HTR7: variants seen among roughly 807,000 people sequenced by gnomAD.
HTR7 encodes 5-HT-7.
HTR7 carries 16 observed loss-of-function variants against 34.0 expected under a neutral mutation model. That is an observed-to-expected ratio of 0.47 (90% CI 0.32 to 0.71). The LOEUF (loss-of-function observed/expected upper bound fraction) is 0.71. HTR7 is among the 30% of genes least tolerant of loss of function. The pLI is 0.04. For synonymous variants in HTR7, 265 were observed against 260.2 expected (o/e 1.02, Z -0.18); for missense variants, 504 against 625.5 (o/e 0.81, Z 2.07).
At chr10:90,760,155 T>C (rs1225195695) in intron 1 of HTR7, among the ~76,000 whole-genome samples, 2 of 152,204 alleles carry the variant, frequency 1.3e-5, no homozygotes, top group East Asian at 3.8e-4. Context: ...GTGGTGTATA[T>C]ACACAATTAA....
intron 2 of HTR7, among the ~76,000 whole-genome samples, chr10:90,746,607 C>G (rs1844640180): frequency 6.6e-6 from 1 of 152,172 alleles, no homozygotes; most frequent in African/African-American, 2.4e-5. Context: ...GCAAAATAAC[C>G]TAGCTATTTG....
At chr10:90,757,425 T>C (rs1844848618) in intron 1 of HTR7, among the ~76,000 whole-genome samples, 1 of 152,228 alleles carries the variant, frequency 6.6e-6, no homozygotes. Context: ...GTATGCCAAC[T>C]TCCAGAAGAC....
intron 1 of HTR7, among the ~76,000 whole-genome samples, chr10:90,854,655 C>T (rs1233861346): frequency 6.6e-6 from 1 of 152,140 alleles, no homozygotes; most frequent in Non-Finnish European, 1.5e-5. Flanking sequence ...GGGATGGGAG[C>T]TCTGAAGCCT....
chr10:90,782,725 G>A (rs113906759), intron 1 of HTR7, among the ~76,000 whole-genome samples: 21 of 152,132 alleles, frequency 1.4e-4, no homozygotes, highest in African/African-American at 4.8e-4. Context: ...CTGAGGCTCC[G>A]CAAGTGTTCA....
At chr10:90,746,219 C>T (rs968344903) in intron 2 of HTR7, among the ~76,000 whole-genome samples, 6 of 152,172 alleles carry the variant, frequency 3.9e-5, no homozygotes, top group African/African-American at 1.4e-4. Context: ...ATAAAGTGCT[C>T]AGCAAAGTGT....
At chr10:90,765,003 A>T (rs1469387595) in intron 1 of HTR7, among the ~76,000 whole-genome samples, 1 of 152,124 alleles carries the variant, frequency 6.6e-6, no homozygotes, top group Non-Finnish European at 1.5e-5. Flanking sequence ...TTTCTCATAC[A>T]GTCCTCATCC....
Position 90,763,871 on chromosome 10 carries a change from A to G in HTR7, c.540-14277T>C, listed in dbSNP as rs1448560109. On this transcript the variant is annotated intron_variant, in intron 1 of 3. Coordinates refer to ENST00000336152, the MANE Select transcript of HTR7 (RefSeq NM_019859.4). ...TTCTTTATCCGGTCTATCATTGACGAGCATTTGGGTTGGTCTTTACTAATG... is the reference window on the plus strand; with the variant it reads ...TTCTTTATCCGGTCTATCATTGACGGGCATTTGGGTTGGTCTTTACTAATG... Among the ~76,000 whole-genome samples, 2 of 152,056 alleles carry G rather than the reference A, an allele frequency of 1.3e-5. 1 individual carries two copies. The highest frequency in any genetic ancestry group is 3.9e-4 in the East Asian group (2 of 5,188).
intron 2 of HTR7, among the ~76,000 whole-genome samples, chr10:90,746,426 C>T (rs1844636472): frequency 6.6e-6 from 1 of 152,140 alleles, no homozygotes; most frequent in South Asian, 2.1e-4. Flanking sequence ...TTGCTCATGA[C>T]TTTATCTGTT....
intron 1 of HTR7, among the ~76,000 whole-genome samples, chr10:90,767,116 G>A (rs532944187): frequency 3.0e-4 from 45 of 152,274 alleles, no homozygotes; most frequent in African/African-American, 8.2e-4. Flanking sequence ...CCATGGCCAG[G>A]CAGGGTGGGA....
In HTR7 at chr10:90,759,604, G is replaced by A. The variant is rs368887789; in HGVS notation, c.540-10010C>T. Among the ~76,000 whole-genome samples, 7 of 144,268 alleles carry A rather than the reference G, an allele frequency of 4.9e-5. No homozygotes were observed. In the South Asian group the frequency reaches 1.4e-3, roughly 28 times the overall value. 94.6% of individuals were successfully genotyped at this position (144,268 alleles called of 152,430 possible). A position where few individuals can be genotyped will look rare whatever the true frequency, so the allele number is the denominator to read the frequency against. Reference sequence around the variant, plus strand: ...CGGGAAGCGGAGCTTGCAGTGAGCCGAGATTGCGCCACTGCAGTCCGCAGT... The same window carrying A: ...CGGGAAGCGGAGCTTGCAGTGAGCCAAGATTGCGCCACTGCAGTCCGCAGT... On this transcript the variant is annotated intron_variant, in intron 1 of 3. Transcript: ENST00000336152.
chr10:90,848,250 C>T (rs538990356), intron 1 of HTR7, among the ~76,000 whole-genome samples: 7 of 152,144 alleles, frequency 4.6e-5, no homozygotes, highest in Admixed American at 2.0e-4. Flanking sequence ...CTAGTAGAGA[C>T]GGAGTTTCTC....
At chr10:90,791,436 T>A (rs923912443) in intron 1 of HTR7, among the ~76,000 whole-genome samples, 15 of 152,132 alleles carry the variant, frequency 9.9e-5, no homozygotes, top group African/African-American at 3.6e-4. Flanking sequence ...CATTGAACAC[T>A]GAACAGAATT....
chr10:90,826,489 C>G lies in HTR7; in HGVS notation c.539+30644G>C, dbSNP rs538578670. Among the ~76,000 whole-genome samples, 3 of 151,926 alleles carry G rather than the reference C, an allele frequency of 2.0e-5. No individual in the cohort carries two copies. The South Asian group carries it at 6.3e-4, about 32-fold the overall frequency. ...TAATTGTGGTATGTTAACTACTCAC[C>G]TCTTGAGTGGAAAGACTAAAAGATG... On this transcript the variant is annotated intron_variant, in intron 1 of 3. Coordinates refer to ENST00000336152, the MANE Select transcript of HTR7 (RefSeq NM_019859.4).
intron 2 of HTR7, among the ~76,000 whole-genome samples, chr10:90,747,163 C>T (rs1844652392): frequency 6.6e-6 from 1 of 152,160 alleles, no homozygotes; most frequent in Non-Finnish European, 1.5e-5. Context: ...ATGCTAGAAG[C>T]ACCTATTTTG....
intron 1 of HTR7, among the ~76,000 whole-genome samples, chr10:90,804,785 T>C (rs185884976): frequency 6.6e-6 from 1 of 152,364 alleles, no homozygotes; most frequent in East Asian, 1.9e-4. Context: ...TTTCTCTTTT[T>C]GGATCCTGTC....
intron 1 of HTR7, among the ~76,000 whole-genome samples, chr10:90,786,057 T>C (rs538195590): frequency 2.0e-5 from 3 of 152,346 alleles, no homozygotes; most frequent in Admixed American, 2.0e-4. Context: ...ATTCCAAGCA[T>C]TTCTTGGGAT....
chr10:90,809,471 G>T lies in HTR7; in HGVS notation c.539+47662C>A, dbSNP rs549790155. On this transcript the variant is annotated intron_variant, in intron 1 of 3. Coordinates refer to ENST00000336152, the MANE Select transcript of HTR7 (RefSeq NM_019859.4). ...CAAAATACATTTTATTACCCAATCT[G>T]CTCCCAACATTAAATAAAACTCCAA... Among the ~76,000 whole-genome samples the T allele has an allele frequency of 8.9e-4, 135 of 152,172 alleles. 1 individual carries two copies. The Middle Eastern group carries it at 0.017, about 19-fold the overall frequency.
Position 90,749,113 on chromosome 10 carries a change from G to A in HTR7, c.1021C>T (p.Leu341=), listed in dbSNP as rs115624558. Residue 341 remains leucine (L), a synonymous_variant, in exon 2 of 4, where the codon CTG becomes TTG. Transcript: ENST00000336152. This position sits in a 1 kb window ranked among gnomAD's most constrained non-coding sequence, Gnocchi z 4.2. ...IIVGAFTVCW[L]PFFLLSTARP... is the part of the protein sequence containing the mutation. The stretch of plus-strand genomic sequence containing the variant: ...GCTGTCGAGAGGAGGAAAAATGGCA[G>A]CCAGCACACGGTAAAGGCCCCGACG... 2 of 1,614,170 alleles carry A rather than the reference G, an allele frequency of 1.2e-6. No individual in the cohort carries two copies. The highest frequency in any genetic ancestry group is 2.2e-5 in the East Asian group (1 of 44,884).
Position 90,848,069 on chromosome 10 carries a change from C to CTTTTT in HTR7, c.539+9059_539+9063dup, listed in dbSNP as rs61675028. Among the ~76,000 whole-genome samples the CTTTTT allele has an allele frequency of 4.9e-4, 55 of 112,100 alleles. 2 individuals carry two copies. Among genetic ancestry groups the CTTTTT allele is most frequent in the African/African-American group, 8.8e-4 (23 of 26,228 alleles). 73.5% of individuals were successfully genotyped at this position (112,100 alleles called of 152,430 possible). ...TAAAAGCAATCACTCTCTCTTTGTT[C>CTTTTT]TTTTTTTTTTTTTTTTTTTGGCAGG... On this transcript the variant is annotated intron_variant, in intron 1 of 3. Coordinates refer to ENST00000336152, the MANE Select transcript of HTR7 (RefSeq NM_019859.4).
Sources: gnomAD v4.1 joint callset for allele counts (sites outside exome capture counted in the v4.1 genomes callset) on GRCh38, gnomAD v4.1.1 for gene constraint, Gnocchi (gnomAD v3.1) non-coding constraint, MANE v1.5 for transcripts, NCBI Gene and HGNC (gene_info 2026-07-23, HGNC 2026-07-21) for gene names.